ITGB5: variants seen among roughly 807,000 people sequenced by gnomAD.
The protein encoded by ITGB5 is integrin beta-5.
A neutral mutation model predicts 84.8 loss-of-function variants in ITGB5; 38 were observed. The observed-to-expected ratio is 0.45, with a 90% confidence interval of 0.35 to 0.59. The LOEUF (loss-of-function observed/expected upper bound fraction) is 0.59. Ranked by LOEUF, ITGB5 falls within the 20% of genes least tolerant of loss-of-function variation. ITGB5 has a pLI of 0.01. For missense variants in ITGB5, 905 were observed against 1,034.5 expected (o/e 0.87, Z 1.72); for synonymous variants, 393 against 414.4 (o/e 0.95, Z 0.63).
At chr3:124,841,676 C>CAGCACCTA in intron 4 of ITGB5, 125 bp from the exon 5 acceptor site, 1 of 819,582 alleles carries the variant, frequency 1.2e-6, no homozygotes, top group South Asian at 1.8e-5. Context: ...CTACCACATG[C>CAGCACCTA]CCCAGGACAG....
chr3:124,873,648 G>T, intron 1 of ITGB5, 117 bp from the exon 2 acceptor site: 1 of 810,264 alleles, frequency 1.2e-6, no homozygotes, highest in Non-Finnish European at 2.2e-6. Context: ...GAGTCTAAAG[G>T]GTGCAGGTAC....
chr3:124,810,757 C>T (rs2064486329), intron 8 of ITGB5, among the ~76,000 whole-genome samples: 1 of 152,152 alleles, frequency 6.6e-6, no homozygotes, highest in African/African-American at 2.4e-5. Flanking sequence ...ATACACTCAA[C>T]ACAGAGTATA....
chr3:124,859,175 C>T (rs2065260619), intron 3 of ITGB5, 67 bp downstream of exon 3: 2 of 1,457,386 alleles, frequency 1.4e-6, no homozygotes, highest in Admixed American at 1.8e-5. Context: ...CCATTATTAA[C>T]AAGTCCCACC....
chr3:124,856,300 T>C (rs2065221684), intron 3 of ITGB5, among the ~76,000 whole-genome samples: 1 of 152,208 alleles, frequency 6.6e-6, no homozygotes, highest in African/African-American at 2.4e-5. Context: ...AAAACTGGAA[T>C]TATTAAAGTG....
In ITGB5 at chr3:124,762,344, C is replaced by G. The variant is rs974291364; in HGVS notation, c.*1279G>C. ...ATGAGGAGGCTGGCCCTCTGGCCAG[C>G]ATGAGATGGGGTCTTAGGAACAGTT... On this transcript the variant is annotated 3_prime_UTR_variant, in exon 15 of 15. Coordinates refer to ENST00000296181, the MANE Select transcript of ITGB5 (RefSeq NM_002213.5). The G allele has an allele frequency of 2.0e-5, 3 of 152,178 alleles. No homozygotes were observed. Among genetic ancestry groups the G allele is most frequent in the African/African-American group, 7.2e-5 (3 of 41,440 alleles). The allele number at this position is 152,178 out of a possible 1,614,324, so 9.4% of individuals were successfully genotyped here.
Position 124,796,587 on chromosome 3 carries a change from G to A in ITGB5, c.1494C>T (p.Cys498=), listed in dbSNP as rs151072606. 3.9e-4 allele frequency: 631 copies of A among 1,614,108 alleles called. 2 individuals are homozygous for A. Among genetic ancestry groups the A allele is most frequent in the South Asian group, 2.6e-3 (233 of 91,086 alleles). ...TCTGGTTCTCCCCATCCTGGCACTC[G>A]CACCTGGTGCCCAGGTAGCCGGGGC... The part of the protein sequence containing the change: ...ECSPGYLGTR[C]ECQDGENQSV... Residue 498 remains cysteine, a synonymous_variant, in exon 10 of 15, where the codon TGC becomes TGT. Transcript: ENST00000296181.
In ITGB5 at chr3:124,769,131, T is replaced by TG. The variant is rs1437496094; in HGVS notation, c.1917-19_1917-18insC. On this transcript the variant is annotated intron_variant, in intron 11 of 14. Transcript: ENST00000296181. ...CGCAATCTCTTTGGAAAAGAGGAGA[T>TG]AAAGGTGGGTGTCAGATAATGTAGA... 6.2e-7 allele frequency: 1 copy of TG among 1,604,704 alleles called. No homozygotes were observed. The highest frequency in any genetic ancestry group is 8.5e-7 in the Non-Finnish European group (1 of 1,172,018).
At chr3:124,898,690 G>A (rs1314704561) in intron 1 of ITGB5, among the ~76,000 whole-genome samples, 3 of 142,560 alleles carry the variant, frequency 2.1e-5, no homozygotes, top group Non-Finnish European at 3.0e-5. Context: ...AGCACTTTGG[G>A]AGGTTGAAGC....
chr3:124,828,366 A>C (rs2064813547), intron 5 of ITGB5, among the ~76,000 whole-genome samples: 1 of 152,236 alleles, frequency 6.6e-6, no homozygotes, highest in Non-Finnish European at 1.5e-5. Context: ...GAATGGATAC[A>C]CTAACGGCGT....
intron 10 of ITGB5, among the ~76,000 whole-genome samples, chr3:124,775,220 G>T (rs1388707390): frequency 6.6e-6 from 1 of 151,916 alleles, no homozygotes; most frequent in African/African-American, 2.4e-5. Flanking sequence ...GAAAGCGAGT[G>T]TGAGTGTGTA....
intron 10 of ITGB5, among the ~76,000 whole-genome samples, chr3:124,786,099 C>T (rs1019588538): frequency 1.3e-5 from 2 of 152,082 alleles, no homozygotes; most frequent in Non-Finnish European, 2.9e-5. Context: ...GTAGACACAC[C>T]GTGTGTGACA....
chr3:124,825,380 A>G (rs948395267), intron 5 of ITGB5, among the ~76,000 whole-genome samples: 5 of 152,194 alleles, frequency 3.3e-5, no homozygotes, highest in Admixed American at 6.5e-5. Flanking sequence ...TTTATGCTCA[A>G]ATAAAAACCT....
intron 10 of ITGB5, among the ~76,000 whole-genome samples, chr3:124,782,593 C>T (rs1220516587): frequency 6.6e-6 from 1 of 152,174 alleles, no homozygotes. Context: ...CACGGTGGCT[C>T]ACGGCTGTAA....
intron 2 of ITGB5, among the ~76,000 whole-genome samples, chr3:124,864,050 A>AAAAGAAAG (rs375316276): frequency 1.0e-4 from 14 of 137,780 alleles, no homozygotes; most frequent in South Asian, 2.5e-4. Context: ...AGAAAAAAGA[A>AAAAGAAAG]AAAGAAAGAA....
At chr3:124,847,461 AT>A (rs1579288992) in intron 4 of ITGB5, among the ~76,000 whole-genome samples, 1 of 152,158 alleles carries the variant, frequency 6.6e-6, no homozygotes, top group African/African-American at 2.4e-5. Flanking sequence ...ATTTCTTCTG[AT>A]TCCTGGGCCT....
intron 1 of ITGB5, among the ~76,000 whole-genome samples, chr3:124,893,128 G>A (rs565310738): frequency 5.3e-4 from 80 of 152,156 alleles, no homozygotes; most frequent in South Asian, 1.0e-3. Flanking sequence ...TTTTAGGCTG[G>A]GTGCAGTGGT....
upstream of ITGB5, among the ~76,000 whole-genome samples, chr3:124,891,088 G>A (rs1934990256): frequency 6.6e-6 from 1 of 152,182 alleles, no homozygotes; most frequent in Non-Finnish European, 1.5e-5. Flanking sequence ...TTTTGGATCA[G>A]TTTGACGACG....
chr3:124,822,011 G>A (rs2064713992), intron 5 of ITGB5, among the ~76,000 whole-genome samples: 2 of 152,192 alleles, frequency 1.3e-5, no homozygotes. Context: ...TGTAAAACCT[G>A]CCGTCTATTC....
intron 3 of ITGB5, among the ~76,000 whole-genome samples, chr3:124,849,464 G>A (rs767647468): frequency 1.1e-4 from 17 of 152,052 alleles, no homozygotes; most frequent in Non-Finnish European, 2.4e-4. Context: ...TATTTCTCTC[G>A]CCATTTACCA....
Sources: allele counts gnomAD v4.1 joint callset (sites outside exome capture counted in the v4.1 genomes callset), GRCh38; gene constraint gnomAD v4.1.1; transcripts MANE v1.5; gene names NCBI Gene and HGNC (gene_info 2026-07-23, HGNC 2026-07-21).